The following NDST4 variants were observed in gnomAD, a reference collection of about 807,000 sequenced individuals.
NDST4 encodes N-deacetylase and N-sulfotransferase 4.
NDST4 carries 63 observed loss-of-function variants against 100.8 expected under a neutral mutation model. The ratio of observed to expected loss-of-function variants is 0.62; its 90% CI spans 0.51 to 0.77. NDST4 has a LOEUF of 0.77. NDST4 is among the 30% of genes least tolerant of loss of function. The probability of loss-of-function intolerance (pLI) is 0.00; values close to 1 mark genes in which losing one functional copy is unlikely to be tolerated. For synonymous variants in NDST4, 377 were observed against 361.8 expected (o/e 1.04, Z -0.48); for missense variants, 943 against 1,018.4 (o/e 0.93, Z 1.01).
intron 2 of NDST4, among the ~76,000 whole-genome samples, chr4:114,983,402 G>A (rs1726824706): frequency 1.3e-5 from 2 of 152,188 alleles, no homozygotes; most frequent in African/African-American, 4.8e-5. Context: ...GCGTGTCCTG[G>A]ATGTGAGACC....
chr4:115,019,294 G>T (rs1216976475), intron 2 of NDST4, among the ~76,000 whole-genome samples: 1 of 151,998 alleles, frequency 6.6e-6, no homozygotes, highest in East Asian at 1.9e-4. Context: ...ACTCCATAAA[G>T]ACACAAGTTC....
chr4:114,866,334 C>T (rs72895220), intron 7 of NDST4, among the ~76,000 whole-genome samples: 6,297 of 152,270 alleles, frequency 0.041, 419 homozygotes, highest in African/African-American at 0.14. Flanking sequence ...GTGTACTCTT[C>T]ATTGACCAAC....
intron 6 of NDST4, among the ~76,000 whole-genome samples, chr4:114,883,771 G>A (rs1292242928): frequency 6.6e-6 from 1 of 152,040 alleles, no homozygotes; most frequent in African/African-American, 2.4e-5. Context: ...GTAGGGAATG[G>A]TTTCGGATGA....
At chr4:114,955,242 G>A (rs932758166) in intron 4 of NDST4, among the ~76,000 whole-genome samples, 3 of 152,144 alleles carry the variant, frequency 2.0e-5, no homozygotes, top group African/African-American at 7.2e-5. Context: ...TGGGGTCAAG[G>A]TGAGAGTCAC....
intron 2 of NDST4, among the ~76,000 whole-genome samples, chr4:115,051,024 T>C (rs1250393346): frequency 6.6e-6 from 1 of 151,922 alleles, no homozygotes; most frequent in Non-Finnish European, 1.5e-5. Flanking sequence ...ATTGTAAGAG[T>C]TTCAAGTTAA....
intron 2 of NDST4, among the ~76,000 whole-genome samples, chr4:114,998,123 T>C (rs1727205747): frequency 6.6e-6 from 1 of 152,070 alleles, no homozygotes; most frequent in African/African-American, 2.4e-5. Flanking sequence ...CTTCCACCAG[T>C]GGTTCTTATC....
intron 5 of NDST4, 134 bp downstream of exon 5, chr4:114,937,184 T>G (rs751357487): frequency 1.3e-4 from 117 of 907,084 alleles, no homozygotes; most frequent in Non-Finnish European, 1.9e-4. Context: ...CCAGTCACCA[T>G]TGAGATATGT....
chr4:115,065,631 TAGTTG>T (rs1285376207), intron 2 of NDST4, among the ~76,000 whole-genome samples: 2 of 152,138 alleles, frequency 1.3e-5, no homozygotes, highest in Non-Finnish European at 2.9e-5. Context: ...TAACATTATT[TAGTTG>T]GTCTCCTCAA....
intron 5 of NDST4, among the ~76,000 whole-genome samples, chr4:114,936,955 C>T (rs1031486010): frequency 6.6e-6 from 1 of 152,182 alleles, no homozygotes; most frequent in Non-Finnish European, 1.5e-5. Flanking sequence ...TGCAGCCTTA[C>T]TCTGCCTGTA....
chr4:114,997,978 C>T (rs1472358312), intron 2 of NDST4, among the ~76,000 whole-genome samples: 1 of 152,018 alleles, frequency 6.6e-6, no homozygotes, highest in African/African-American at 2.4e-5. Flanking sequence ...GTCTATGATA[C>T]ACAGGCATAT....
chr4:115,056,836 T>C (rs1330863506), intron 2 of NDST4, among the ~76,000 whole-genome samples: 3 of 152,170 alleles, frequency 2.0e-5, no homozygotes, highest in Admixed American at 6.6e-5. Context: ...ATGTAAATTA[T>C]AGAAAAAGAA....
chr4:114,995,884 A>C (rs373154423), intron 2 of NDST4, among the ~76,000 whole-genome samples: 1 of 152,198 alleles, frequency 6.6e-6, no homozygotes, highest in East Asian at 1.9e-4. Context: ...TTATTCTTAA[A>C]ATAGGGAGAA....
At chr4:115,072,573 A>G (rs1038359040) in intron 2 of NDST4, among the ~76,000 whole-genome samples, 4 of 152,018 alleles carry the variant, frequency 2.6e-5, no homozygotes, top group African/African-American at 9.7e-5. Context: ...AGTTTCTAAG[A>G]ACGGACAATG....
At chr4:114,878,460 G>T (rs893583654) in intron 6 of NDST4, among the ~76,000 whole-genome samples, 1 of 152,116 alleles carries the variant, frequency 6.6e-6, no homozygotes, top group Non-Finnish European at 1.5e-5. Context: ...AAAGGGTATC[G>T]ATTAAAATAT....
chr4:114,873,715 G>A (rs919500036), intron 6 of NDST4, among the ~76,000 whole-genome samples: 5 of 151,930 alleles, frequency 3.3e-5, no homozygotes, highest in African/African-American at 4.8e-5. Context: ...ATATGCATTC[G>A]ATCCCAATAA....
chr4:114,828,644 T>G (rs1723131742), intron 13 of NDST4, among the ~76,000 whole-genome samples: 1 of 152,218 alleles, frequency 6.6e-6, no homozygotes, highest in African/African-American at 2.4e-5. Flanking sequence ...CATTTCTAAT[T>G]GGACTTTCTT....
intron 11 of NDST4, among the ~76,000 whole-genome samples, chr4:114,839,046 C>T (rs1723369478): frequency 6.6e-6 from 1 of 151,986 alleles, no homozygotes; most frequent in Non-Finnish European, 1.5e-5. Flanking sequence ...AGAGTTGTTG[C>T]CCATAAATCA....
intron 2 of NDST4, among the ~76,000 whole-genome samples, chr4:115,029,488 T>G (rs143188152): frequency 1.2e-3 from 178 of 152,252 alleles, no homozygotes; most frequent in African/African-American, 4.0e-3. Context: ...CTCAGGTAGC[T>G]CTGATGAGAC....
At chr4:114,955,458 G>A (rs568558412) in intron 4 of NDST4, among the ~76,000 whole-genome samples, 124 of 152,256 alleles carry the variant, frequency 8.1e-4, no homozygotes, top group African/African-American at 2.8e-3. Context: ...TAGCTTAGAG[G>A]GCTTTGAGAC....
Sources: allele counts gnomAD v4.1 joint callset (sites outside exome capture counted in the v4.1 genomes callset), GRCh38; gene constraint gnomAD v4.1.1; transcripts MANE v1.5; gene names NCBI Gene and HGNC (gene_info 2026-07-23, HGNC 2026-07-21).